FUCA2: variants seen among roughly 807,000 people sequenced by gnomAD.
FUCA2 encodes the protein plasma alpha-L-fucosidase.
FUCA2 carries 41 observed loss-of-function variants against 52.6 expected under a neutral mutation model. That is an observed-to-expected ratio of 0.78 (90% CI 0.61 to 1.01). The LOEUF (loss-of-function observed/expected upper bound fraction) is 1.01, where lower values mean the gene tolerates loss of function less well. FUCA2 is among the 50% of genes least tolerant of loss of function. FUCA2 has a pLI of 0.00. For synonymous variants in FUCA2, 211 were observed against 217.3 expected (o/e 0.97, Z 0.26); for missense variants, 507 against 569.5 (o/e 0.89, Z 1.12).
In FUCA2 at chr6:143,503,452, C is replaced by T. The variant is rs190279990; in HGVS notation, c.752+461G>A. On this transcript the variant is annotated intron_variant, in intron 3 of 6. Coordinates refer to ENST00000002165, the MANE Select transcript of FUCA2 (RefSeq NM_032020.5). This position sits in a 1 kb window ranked among gnomAD's most constrained non-coding sequence, Gnocchi z 4.8. ...AAAACTGGAGAAAGTGAAAAGGCTG[C>T]GATGAAGGAAAAGAGGAGACAAACA... is the stretch of plus-strand genomic sequence containing the variant. 1.2e-3 allele frequency: 192 copies of T among 156,452 alleles called. 1 individual carries two copies. The highest frequency in any genetic ancestry group is 1.8e-3 in the Non-Finnish European group (127 of 71,058). 9.7% of individuals were successfully genotyped at this position (156,452 alleles called of 1,614,324 possible). A position where few individuals can be genotyped will look rare whatever the true frequency, so the allele number is the denominator to read the frequency against.
chr6:143,508,930 C>T (rs761773636), intron 1 of FUCA2, among the ~76,000 whole-genome samples: 1 of 152,050 alleles, frequency 6.6e-6, no homozygotes, highest in Non-Finnish European at 1.5e-5. Flanking sequence ...TGCTCCATTA[C>T]CCAGTTTGGA....
In FUCA2 at chr6:143,497,167, G is replaced by A. The variant is rs1780471323; in HGVS notation, c.1263+222C>T. ...TTGTAGACAGGGGTCTTGCTATGTT[G>A]CCCAGGCTAGTCTCAAACTTCTGGC... On this transcript the variant is annotated intron_variant, in intron 6 of 6. Transcript: ENST00000002165. The surrounding 1 kb of genome is among the most constrained non-coding windows in gnomAD (Gnocchi z 5.3). 2.5e-5 allele frequency: 12 copies of A among 477,306 alleles called. No homozygotes were observed. The highest frequency in any genetic ancestry group is 3.8e-6 in the Non-Finnish European group (1 of 263,040). The allele number at this position is 477,306 out of a possible 1,614,324, so 29.6% of individuals were successfully genotyped here.
rs1780519884 is a variant in FUCA2, at chr6:143,500,930, G to C, written c.1154+1002C>G. On this transcript the variant is annotated intron_variant, in intron 5 of 6. Transcript: ENST00000002165. The surrounding 1 kb of genome is among the most constrained non-coding windows in gnomAD (Gnocchi z 6.9). Reference sequence around the variant, plus strand: ...GAGAGCAGGACCACTCAGTGGCAGGGAAGTTGGTAGGAGCCAGACTCACAG... The same window carrying C: ...GAGAGCAGGACCACTCAGTGGCAGGCAAGTTGGTAGGAGCCAGACTCACAG... Among the ~76,000 whole-genome samples the C allele has an allele frequency of 1.3e-5, 2 of 152,132 alleles. No homozygotes were observed. The highest frequency in any genetic ancestry group is 2.9e-5 in the Non-Finnish European group (2 of 68,032).
Position 143,499,986 on chromosome 6 carries a change from T to C in FUCA2, c.1154+1946A>G, listed in dbSNP as rs1468732073. On this transcript the variant is annotated intron_variant, in intron 5 of 6. Transcript: ENST00000002165. This position sits in a 1 kb window ranked among gnomAD's most constrained non-coding sequence, Gnocchi z 6.0. ...CTTGGGTGGATGATTTGCAATGGGA[T>C]CAGGACACAAGGGTTGACCTTAAAG... Among the ~76,000 whole-genome samples, 6 of 152,130 alleles carry C rather than the reference T, an allele frequency of 3.9e-5. No homozygotes were observed. Among genetic ancestry groups the C allele is most frequent in the Non-Finnish European group, 5.9e-5 (4 of 68,014 alleles).
rs1418333285 is a variant in FUCA2 at position 143,500,274 on chromosome 6, A to G, written c.1154+1658T>C. On this transcript the variant is annotated intron_variant, in intron 5 of 6. Coordinates refer to ENST00000002165, the MANE Select transcript of FUCA2 (RefSeq NM_032020.5). This position sits in a 1 kb window ranked among gnomAD's most constrained non-coding sequence, Gnocchi z 6.9. ...AGAAAAGATGATAGGATTAAAAGAT[A>G]GTATGATCACTGGATTATAGATCCC... Among the ~76,000 whole-genome samples the G allele has an allele frequency of 6.6e-6, 1 of 152,188 alleles. No individual in the cohort carries two copies. Among genetic ancestry groups the G allele is most frequent in the African/African-American group, 2.4e-5 (1 of 41,450 alleles).
chr6:143,502,140 A>T lies in FUCA2; in HGVS notation c.964-18T>A, dbSNP rs762416264. 16 of 1,546,986 alleles carry T rather than the reference A, an allele frequency of 1.0e-5. No homozygotes were observed. The highest frequency in any genetic ancestry group is 9.6e-6 in the Non-Finnish European group (11 of 1,141,568). On this transcript the variant is annotated intron_variant, in intron 4 of 6. Coordinates refer to ENST00000002165, the MANE Select transcript of FUCA2 (RefSeq NM_032020.5). This position sits in a 1 kb window ranked among gnomAD's most constrained non-coding sequence, Gnocchi z 4.1. Reference sequence around the variant, plus strand: ...ACAAGTTGCTAAAAAATTAAGAATAATGTTTTTAGATAAATAAAATAATTC... The same window carrying T: ...ACAAGTTGCTAAAAAATTAAGAATATTGTTTTTAGATAAATAAAATAATTC...
Position 143,504,119 on chromosome 6 carries a change from G to C in FUCA2, c.546C>G (p.Ser182=). ...AGAGCGGATGAAACCATTCAAAAAG[G>C]GAATAGTACAGTCCAAAACGCAGGT... ...RTDLRFGLYY[S]LFEWFHPLFL... is the part of the protein sequence containing the mutation. The change falls in exon 3 of 7, where the codon TCC becomes TCG. Residue 182 remains serine (S), a synonymous_variant. Coordinates refer to ENST00000002165, the MANE Select transcript of FUCA2 (RefSeq NM_032020.5). This position sits in a 1 kb window ranked among gnomAD's most constrained non-coding sequence, Gnocchi z 4.4. 1 of 1,614,106 alleles carries C rather than the reference G, an allele frequency of 6.2e-7. No homozygotes were observed. Among genetic ancestry groups the C allele is most frequent in the Non-Finnish European group, 8.5e-7 (1 of 1,180,022 alleles).
At position 143,499,588 on chromosome 6, in the gene FUCA2, G is replaced by T. The variant is rs1239394370; in HGVS notation, c.1155-2091C>A. ...CCTCAGGGCACTTCAAGATTTAGAGGTTGGAAAAATGAGATGAAATCAGCA... is the reference window on the plus strand; with the variant it reads ...CCTCAGGGCACTTCAAGATTTAGAGTTTGGAAAAATGAGATGAAATCAGCA... On this transcript the variant is annotated intron_variant, in intron 5 of 6. Coordinates refer to ENST00000002165, the MANE Select transcript of FUCA2 (RefSeq NM_032020.5). This position sits in a 1 kb window ranked among gnomAD's most constrained non-coding sequence, Gnocchi z 6.0. 6.6e-6 allele frequency among the ~76,000 whole-genome samples: 1 copy of T among 152,136 alleles called. No individual in the cohort carries two copies. Among genetic ancestry groups the T allele is most frequent in the Non-Finnish European group, 1.5e-5 (1 of 68,022 alleles).
chr6:143,504,508 T>G lies in FUCA2; in HGVS notation c.413-256A>C, dbSNP rs1242683786. 2.4e-6 allele frequency: 1 copy of G among 416,116 alleles called. No homozygotes were observed. Among genetic ancestry groups the G allele is most frequent in the East Asian group, 4.4e-5 (1 of 22,766 alleles). 25.8% of individuals were successfully genotyped at this position (416,116 alleles called of 1,614,324 possible). On this transcript the variant is annotated intron_variant, in intron 2 of 6. Transcript: ENST00000002165. The surrounding 1 kb of genome is among the most constrained non-coding windows in gnomAD (Gnocchi z 4.4). ...ACTGTACGGTCTGATCTATCTCCAG[T>G]ATTTTCCCTCTTAGATTTTAAGGTC...
chr6:143,496,807 T>C (rs1464278465), intron 6 of FUCA2: 1 of 152,238 alleles, frequency 6.6e-6, no homozygotes, highest in East Asian at 1.9e-4. Context: ...AGAATCATTT[T>C]GGATGCATGC....
Position 143,503,902 on chromosome 6 carries a change from A to G in FUCA2, c.752+11T>C, listed in dbSNP as rs763991764. 6.3e-7 allele frequency: 1 copy of G among 1,586,464 alleles called. No homozygotes were observed. Among genetic ancestry groups the G allele is most frequent in the African/African-American group, 1.3e-5 (1 of 74,180 alleles). ...TGGAGGGTAACTGCAGCAATCTCAT[A>G]GCATACACACCTTTCATTATATAAC... is the stretch of plus-strand genomic sequence containing the variant. On this transcript the variant is annotated intron_variant, in intron 3 of 6. Coordinates refer to ENST00000002165, the MANE Select transcript of FUCA2 (RefSeq NM_032020.5). The surrounding 1 kb of genome is among the most constrained non-coding windows in gnomAD (Gnocchi z 4.8).
chr6:143,509,678 A>G lies in FUCA2; in HGVS notation c.224+1733T>C, dbSNP rs1194826173. ...TTCCAAAACAAGCTCAAGATTCCTTACAGCCCAAAACATGCAAATAAAGAT... is the reference window on the plus strand; with the variant it reads ...TTCCAAAACAAGCTCAAGATTCCTTGCAGCCCAAAACATGCAAATAAAGAT... On this transcript the variant is annotated intron_variant, in intron 1 of 6. Coordinates refer to ENST00000002165, the MANE Select transcript of FUCA2 (RefSeq NM_032020.5). This position sits in a 1 kb window ranked among gnomAD's most constrained non-coding sequence, Gnocchi z 5.4. 6.6e-6 allele frequency among the ~76,000 whole-genome samples: 1 copy of G among 152,244 alleles called. No individual in the cohort carries two copies. Among genetic ancestry groups the G allele is most frequent in the Non-Finnish European group, 1.5e-5 (1 of 68,028 alleles).
Position 143,504,015 on chromosome 6 carries a change from A to C in FUCA2, c.650T>G (p.Val217Gly). 1 of 1,614,138 alleles carries C rather than the reference A, an allele frequency of 6.2e-7. No individual in the cohort carries two copies. The change falls in exon 3 of 7, where the codon GTG becomes GGG. Residue 217 changes from valine to glycine, a missense_variant. Val to Gly is a moderately radical substitution (Grantham distance 109, BLOSUM62 -3). Transcript: ENST00000002165. This position sits in a 1 kb window ranked among gnomAD's most constrained non-coding sequence, Gnocchi z 4.4. The stretch of plus-strand genomic sequence containing the variant: ...CAGAACCTCAGGCTGATAGTTGTTC[A>C]CTAACTCATAGAGCTCTGGCAATGT... ...SKTLPELYEL[V>G]NNYQPEVLWS...
At chr6:143,508,345 AT>A (rs1263526888) in intron 1 of FUCA2, among the ~76,000 whole-genome samples, 2 of 152,138 alleles carry the variant, frequency 1.3e-5, no homozygotes, top group Non-Finnish European at 2.9e-5. Flanking sequence ...TGCAACCCCC[AT>A]TTTTGACCCA....
rs898254349 is a variant in FUCA2, at chr6:143,504,103, G to A, written c.562C>T (p.His188Tyr). ...GATTCATCCTCAAGGAAGAGCGGAT[G>A]AAACCATTCAAAAAGGGAATAGTAC... ...GLYYSLFEWF[H>Y]PLFLEDESSS... is the part of the protein sequence containing the mutation. The change falls in exon 3 of 7, where the codon CAT (histidine) becomes TAT (tyrosine). Residue 188 changes from histidine to tyrosine, a missense_variant. Coordinates refer to ENST00000002165, the MANE Select transcript of FUCA2 (RefSeq NM_032020.5). The surrounding 1 kb of genome is among the most constrained non-coding windows in gnomAD (Gnocchi z 4.4). 1 of 1,614,078 alleles carries A rather than the reference G, an allele frequency of 6.2e-7. No individual in the cohort carries two copies.
rs1780471534 is a variant in FUCA2, at chr6:143,497,188, C to T, written c.1263+201G>A. The T allele has an allele frequency of 1.9e-6, 1 of 516,808 alleles. No individual in the cohort carries two copies. The highest frequency in any genetic ancestry group is 1.9e-5 in the African/African-American group (1 of 51,294). 32.0% of individuals were successfully genotyped at this position (516,808 alleles called of 1,614,324 possible). A position where few individuals can be genotyped will look rare whatever the true frequency, so the allele number is the denominator to read the frequency against. On this transcript the variant is annotated intron_variant, in intron 6 of 6. Coordinates refer to ENST00000002165, the MANE Select transcript of FUCA2 (RefSeq NM_032020.5). This position sits in a 1 kb window ranked among gnomAD's most constrained non-coding sequence, Gnocchi z 5.3. ...TGTTGCCCAGGCTAGTCTCAAACTTCTGGCCTCAAGACATCCTCCTGCCTT... is the reference window on the plus strand; with the variant it reads ...TGTTGCCCAGGCTAGTCTCAAACTTTTGGCCTCAAGACATCCTCCTGCCTT...
rs1780563091 is a variant in FUCA2, at chr6:143,503,840, G to A, written c.752+73C>T. The A allele has an allele frequency of 9.5e-6, 11 of 1,160,966 alleles. No individual in the cohort carries two copies. The highest frequency in any genetic ancestry group is 2.4e-5 in the East Asian group (1 of 40,830). 71.9% of individuals were successfully genotyped at this position (1,160,966 alleles called of 1,614,324 possible). On this transcript the variant is annotated intron_variant, in intron 3 of 6. Coordinates refer to ENST00000002165, the MANE Select transcript of FUCA2 (RefSeq NM_032020.5). This position sits in a 1 kb window ranked among gnomAD's most constrained non-coding sequence, Gnocchi z 4.8. Reference sequence around the variant, plus strand: ...GACTTAAAATGAAATATTTCAAGAGGTGAAGGAATTAAAATGTTAGAAATA... The same window carrying A: ...GACTTAAAATGAAATATTTCAAGAGATGAAGGAATTAAAATGTTAGAAATA...
intron 2 of FUCA2, chr6:143,505,307 A>ATTTTTTTTTTTTTTTTTTTTTTTTTTTTT (rs35474217): frequency 2.1e-5 from 2 of 96,626 alleles, no homozygotes; most frequent in African/African-American, 4.4e-5. Context: ...CATACTTTCG[A>ATTTTTTTTTTTTTTTTTTTTTTTTTTTTT]TTTTTTTTTT....
Position 143,497,194 on chromosome 6 carries a change from T to C in FUCA2, c.1263+195A>G, listed in dbSNP as rs542165989. 1.3e-5 allele frequency: 7 copies of C among 529,438 alleles called. No homozygotes were observed. The South Asian group carries it at 1.5e-4, about 12-fold the overall frequency. 32.8% of individuals were successfully genotyped at this position (529,438 alleles called of 1,614,324 possible). On this transcript the variant is annotated intron_variant, in intron 6 of 6. Transcript: ENST00000002165. The surrounding 1 kb of genome is among the most constrained non-coding windows in gnomAD (Gnocchi z 5.3). ...CCAGGCTAGTCTCAAACTTCTGGCC[T>C]CAAGACATCCTCCTGCCTTAGCCTC... is the stretch of plus-strand genomic sequence containing the variant.
Sources: allele counts gnomAD v4.1 joint callset (sites outside exome capture counted in the v4.1 genomes callset), GRCh38; gene constraint gnomAD v4.1.1; non-coding constraint Gnocchi (gnomAD v3.1); transcripts MANE v1.5; gene names NCBI Gene and HGNC (gene_info 2026-07-23, HGNC 2026-07-21).